MCTP1: variants seen among roughly 807,000 people sequenced by gnomAD.
The protein encoded by MCTP1 is multiple C2 and transmembrane domain containing 1.
Under a neutral mutation model 120.6 loss-of-function variants are expected in MCTP1, and 69 were observed. The observed-to-expected ratio is 0.57, with a 90% CI of 0.47 to 0.70. The LOEUF is 0.70. Ranked by LOEUF, MCTP1 falls within the 30% of genes least tolerant of loss-of-function variation. The pLI is 0.00. For missense variants in MCTP1, 1,203 were observed against 1,248.8 expected, an observed-to-expected ratio of 0.96 and a Z score of 0.55; for synonymous variants, 529 against 493.1, an observed-to-expected ratio of 1.07 and a Z score of -0.96.
chr5:95,081,055 GTT>G (rs1287293005), intron 1 of MCTP1, among the ~76,000 whole-genome samples: 1 of 151,976 alleles, frequency 6.6e-6, no homozygotes, highest in Admixed American at 6.6e-5. Flanking sequence ...TCTGATATAT[GTT>G]TCACCTTTAA....
intron 17 of MCTP1, among the ~76,000 whole-genome samples, chr5:94,806,345 A>C (rs184925284): frequency 3.7e-4 from 56 of 152,338 alleles, no homozygotes; most frequent in African/African-American, 1.3e-3. Flanking sequence ...TTCTGCTGAG[A>C]AGTTAAGTGA....
At chr5:94,777,514 G>T (rs754797074) in intron 19 of MCTP1, among the ~76,000 whole-genome samples, 3 of 152,114 alleles carry the variant, frequency 2.0e-5, no homozygotes, top group Non-Finnish European at 2.9e-5. Flanking sequence ...TTCACTAAGG[G>T]TTTCCATTTA....
chr5:94,767,415 A>G (rs926357603), intron 19 of MCTP1, among the ~76,000 whole-genome samples: 22 of 152,202 alleles, frequency 1.4e-4, no homozygotes, highest in African/African-American at 4.6e-4. Context: ...TCCTAGCTAG[A>G]GCAATCAGGC....
intron 12 of MCTP1, among the ~76,000 whole-genome samples, chr5:94,879,622 T>A (rs1434017870): frequency 6.6e-6 from 1 of 152,184 alleles, no homozygotes; most frequent in Non-Finnish European, 1.5e-5. Context: ...AAAATATTTA[T>A]TAATTCACTA....
chr5:94,960,815 C>G (rs533431326), intron 2 of MCTP1, among the ~76,000 whole-genome samples: 2 of 152,294 alleles, frequency 1.3e-5, no homozygotes, highest in Non-Finnish European at 2.9e-5. Context: ...TGCTTTTACA[C>G]TGTTGGTGGG....
In MCTP1 at chr5:95,188,604, A is replaced by G. The variant is rs371364237; in HGVS notation, c.720+95252T>C. 7.7e-4 allele frequency among the ~76,000 whole-genome samples: 117 copies of G among 152,312 alleles called. 4 individuals carry two copies. The South Asian group carries it at 0.023, about 30-fold the overall frequency. On this transcript the variant is annotated intron_variant, in intron 1 of 22. Transcript: ENST00000515393. The stretch of plus-strand genomic sequence containing the variant: ...GTCAATCTTAAAAGTTGCATATTAT[A>G]TGATTCCGTTTAAATAGCATTCTTG...
At chr5:95,037,785 G>C (rs1009951810) in intron 1 of MCTP1, among the ~76,000 whole-genome samples, 8 of 152,094 alleles carry the variant, frequency 5.3e-5, no homozygotes, top group African/African-American at 1.9e-4. Context: ...AGGGAGAATC[G>C]CGTGAACCCA....
chr5:95,227,740 C>T (rs1052459953), intron 1 of MCTP1, among the ~76,000 whole-genome samples: 5 of 152,092 alleles, frequency 3.3e-5, no homozygotes, highest in African/African-American at 1.2e-4. Flanking sequence ...TGTCATACTA[C>T]TTTTTTATCA....
intron 1 of MCTP1, among the ~76,000 whole-genome samples, chr5:95,122,620 A>G (rs1758327583): frequency 6.6e-6 from 1 of 152,210 alleles, no homozygotes; most frequent in African/African-American, 2.4e-5. Context: ...TAGAGCTACC[A>G]TACTATCCAA....
At chr5:95,253,644 T>C (rs896839490) in intron 1 of MCTP1, among the ~76,000 whole-genome samples, 4 of 152,042 alleles carry the variant, frequency 2.6e-5, no homozygotes, top group African/African-American at 9.7e-5. Flanking sequence ...AACACATCTT[T>C]AGAATAAAAT....
chr5:95,146,970 G>C (rs1476912470), intron 1 of MCTP1, among the ~76,000 whole-genome samples: 1 of 152,030 alleles, frequency 6.6e-6, no homozygotes, highest in Non-Finnish European at 1.5e-5. Flanking sequence ...CTATCAGTGG[G>C]GTGTTCAAGT....
chr5:94,921,563 A>G (rs1811674505), intron 7 of MCTP1, among the ~76,000 whole-genome samples: 1 of 152,238 alleles, frequency 6.6e-6, no homozygotes, highest in South Asian at 2.1e-4. Flanking sequence ...ATATCTGAAA[A>G]TGTCCCTGGG....
chr5:94,732,969 T>A (rs1189717791), intron 19 of MCTP1, among the ~76,000 whole-genome samples: 1 of 152,148 alleles, frequency 6.6e-6, no homozygotes, highest in Non-Finnish European at 1.5e-5. Flanking sequence ...TATTTTTATA[T>A]ATTAAAATTT....
At chr5:95,076,230 T>C (rs571692128) in intron 1 of MCTP1, among the ~76,000 whole-genome samples, 1 of 152,116 alleles carries the variant, frequency 6.6e-6, no homozygotes, top group Non-Finnish European at 1.5e-5. Context: ...CAAAATATCA[T>C]ACAGTACCAT....
intron 3 of MCTP1, 68 bp from the exon 4 acceptor site, chr5:94,942,495 T>C (rs956050240): frequency 3.0e-5 from 35 of 1,148,086 alleles, no homozygotes; most frequent in Non-Finnish European, 4.5e-5. Context: ...GATAATGTCT[T>C]GGTCATAAAA....
intron 18 of MCTP1, among the ~76,000 whole-genome samples, chr5:94,790,093 ATTTC>A (rs1281913028): frequency 3.3e-5 from 5 of 152,036 alleles, no homozygotes; most frequent in Non-Finnish European, 7.4e-5. Flanking sequence ...TATTGTTATG[ATTTC>A]TTTCTAATTT....
At chr5:95,035,105 C>T (rs1841029426) in intron 1 of MCTP1, among the ~76,000 whole-genome samples, 1 of 152,000 alleles carries the variant, frequency 6.6e-6, no homozygotes, top group Non-Finnish European at 1.5e-5. Flanking sequence ...AAAGGGAACA[C>T]TCATACACTG....
intron 19 of MCTP1, among the ~76,000 whole-genome samples, chr5:94,723,722 A>G (rs1368449832): frequency 6.6e-6 from 1 of 152,180 alleles, no homozygotes; most frequent in Admixed American, 6.5e-5. Flanking sequence ...AATCTTATAC[A>G]TGTAATTTGC....
chr5:94,997,046 C>T (rs1376684195), intron 2 of MCTP1, among the ~76,000 whole-genome samples: 4 of 152,068 alleles, frequency 2.6e-5, no homozygotes, highest in South Asian at 2.1e-4. Context: ...CTAAGGTACT[C>T]GATCACCACA....
Sources: gnomAD v4.1 joint callset for allele counts (sites outside exome capture counted in the v4.1 genomes callset) on GRCh38, gnomAD v4.1.1 for gene constraint, MANE v1.5 for transcripts, NCBI Gene and HGNC (gene_info 2026-07-23, HGNC 2026-07-21) for gene names.